Variants in COL23A1 observed in about 807,000 individuals in gnomAD.
COL23A1 encodes collagen type XXIII alpha 1 chain, also known as collagen alpha-1(XXIII) chain.
COL23A1 carries 97 observed loss-of-function variants against 99.3 expected under a neutral mutation model. The ratio of observed to expected loss-of-function variants is 0.98; its 90% CI spans 0.83 to 1.16. COL23A1 has a LOEUF of 1.16. COL23A1 is among the 50% of genes most tolerant of loss of function. COL23A1 has a pLI of 0.00. For synonymous variants in COL23A1, 320 were observed against 308.2 expected, an observed-to-expected ratio of 1.04 and a Z score of -0.40; for missense variants, 762 against 757.4, an observed-to-expected ratio of 1.01 and a Z score of -0.07.
At chr5:178,286,825 T>C (rs1757180411) in intron 5 of COL23A1, among the ~76,000 whole-genome samples, 1 of 152,118 alleles carries the variant, frequency 6.6e-6, no homozygotes, top group South Asian at 2.1e-4. Context: ...TGCTCGAGGC[T>C]GGTGGGGAAC....
chr5:178,524,339 A>C (rs1036087379), intron 2 of COL23A1, among the ~76,000 whole-genome samples: 3 of 152,184 alleles, frequency 2.0e-5, no homozygotes, highest in Admixed American at 6.5e-5. Flanking sequence ...GACCCTCTCT[A>C]GTTCAGAAGT....
chr5:178,362,201 A>G (rs4976765), intron 2 of COL23A1, among the ~76,000 whole-genome samples: 114,413 of 152,060 alleles, frequency 0.75, 43,182 homozygotes, highest in East Asian at 0.88. Flanking sequence ...CTGCCTGTGA[A>G]CTGTTAGACA....
intron 5 of COL23A1, among the ~76,000 whole-genome samples, chr5:178,278,236 T>G (rs887364522): frequency 1.3e-5 from 2 of 152,208 alleles, no homozygotes; most frequent in Non-Finnish European, 2.9e-5. Context: ...CCCTGGACCA[T>G]GCCCAGGCCA....
chr5:178,288,612 G>T (rs908927024), intron 4 of COL23A1: 1 of 591,482 alleles, frequency 1.7e-6, no homozygotes, highest in East Asian at 2.9e-5. Context: ...CCCTCCCCAC[G>T]CTGGCCAGGC....
chr5:178,263,278 C>T lies in COL23A1; in HGVS notation c.569G>A (p.Gly190Glu). 6.2e-7 allele frequency: 1 copy of T among 1,610,810 alleles called. No homozygotes were observed. Among genetic ancestry groups the T allele is most frequent in the Non-Finnish European group, 8.5e-7 (1 of 1,179,024 alleles). ...DGAAGPPGPP[G>E]PPGARGPPGD... is the part of the protein sequence containing the mutation. ...AGGAGGGCCCCGGGCCCCAGGAGGT[C>T]CAGGGGGCCCCGGAGGCCCAGCAGC... Residue 190 changes from glycine (G) to glutamate (E), a missense_variant, in exon 9 of 29, where the codon GGA becomes GAA. Physicochemically the swap from Gly to Glu is moderately conservative, Grantham distance 98 (BLOSUM62 -2). Transcript: ENST00000390654.
intron 2 of COL23A1, among the ~76,000 whole-genome samples, chr5:178,316,178 T>C (rs1010257959): frequency 6.6e-6 from 1 of 152,202 alleles, no homozygotes; most frequent in Non-Finnish European, 1.5e-5. Context: ...TACACGTTCG[T>C]AATTCGATGA....
rs573582362 is a variant in COL23A1 at position 178,245,385 on chromosome 5, GGATA to G, written c.1440+553_1440+556del. On this transcript the variant is annotated intron_variant, in intron 25 of 28. Transcript: ENST00000390654. ...ATCCATCCATCCATCCATCCATAGT[GGATA>G]GATAGATGAATGGATGGATGAGTCC... Among the ~76,000 whole-genome samples, 99 of 137,084 alleles carry G rather than the reference GGATA, an allele frequency of 7.2e-4. 1 individual carries two copies. The highest frequency in any genetic ancestry group is 2.8e-3 in the African/African-American group (95 of 34,426). The allele number at this position is 137,084 out of a possible 152,430, so 89.9% of individuals were successfully genotyped here. A position where few individuals can be genotyped will look rare whatever the true frequency, so the allele number is the denominator to read the frequency against.
At position 178,589,633 on chromosome 5, in the gene COL23A1, A is replaced by C. The variant is rs1764165112; in HGVS notation, c.294+271T>G. On this transcript the variant is annotated intron_variant, in intron 1 of 28. Coordinates refer to ENST00000390654, the MANE Select transcript of COL23A1 (RefSeq NM_173465.4). This position sits in a 1 kb window ranked among gnomAD's most constrained non-coding sequence, Gnocchi z 5.4. ...AGACTGACCCTAGGTCTGTTACTCCAAAGTCCCTGGTCTCTCCTTCCCCTT... is the reference window on the plus strand; with the variant it reads ...AGACTGACCCTAGGTCTGTTACTCCCAAGTCCCTGGTCTCTCCTTCCCCTT... 6.6e-6 allele frequency among the ~76,000 whole-genome samples: 1 copy of C among 152,128 alleles called. No homozygotes were observed. Among genetic ancestry groups the C allele is most frequent in the African/African-American group, 2.4e-5 (1 of 41,424 alleles).
chr5:178,344,351 C>T (rs929829251), intron 2 of COL23A1, among the ~76,000 whole-genome samples: 2 of 152,172 alleles, frequency 1.3e-5, no homozygotes, highest in Non-Finnish European at 2.9e-5. Context: ...GAAGAAAGGT[C>T]TGTGGCCGGG....
chr5:178,446,577 A>G (rs572084350), intron 2 of COL23A1, among the ~76,000 whole-genome samples: 26 of 152,076 alleles, frequency 1.7e-4, no homozygotes, highest in Non-Finnish European at 3.7e-4. Context: ...AAAACAGGAG[A>G]AAAAAAATCA....
intron 2 of COL23A1, among the ~76,000 whole-genome samples, chr5:178,317,445 A>G (rs1759040355): frequency 6.6e-6 from 1 of 152,248 alleles, no homozygotes; most frequent in South Asian, 2.1e-4. Flanking sequence ...AGATTCAGTG[A>G]GTCCTGCCTG....
In COL23A1 at chr5:178,308,234, G is replaced by C. The variant is rs527310771; in HGVS notation, c.362-1315C>G. On this transcript the variant is annotated intron_variant, in intron 2 of 28. Transcript: ENST00000390654. This position sits in a 1 kb window ranked among gnomAD's most constrained non-coding sequence, Gnocchi z 5.1. Reference sequence around the variant, plus strand: ...GAGAGAGAAGAGATCCCTTCAGGTGGAGAGGGGCCCTCAGTGCTACACGAC... The same window carrying C: ...GAGAGAGAAGAGATCCCTTCAGGTGCAGAGGGGCCCTCAGTGCTACACGAC... Among the ~76,000 whole-genome samples, 14 of 152,292 alleles carry C rather than the reference G, an allele frequency of 9.2e-5. No homozygotes were observed. Among genetic ancestry groups the C allele is most frequent in the African/African-American group, 3.4e-4 (14 of 41,574 alleles).
rs576778269 is a variant in COL23A1, at chr5:178,428,204, T to G, written c.362-121285A>C. ...AAAGTCCTGAGCAATCGTGTCCCCT[T>G]AGGTGACCAAGCCTTCTGCTGTGGG... On this transcript the variant is annotated intron_variant, in intron 2 of 28. Transcript: ENST00000390654. The surrounding 1 kb of genome is among the most constrained non-coding windows in gnomAD (Gnocchi z 5.0). 2.0e-5 allele frequency among the ~76,000 whole-genome samples: 3 copies of G among 152,320 alleles called. No individual in the cohort carries two copies. The highest frequency in any genetic ancestry group is 4.1e-4 in the South Asian group (2 of 4,828).
At chr5:178,496,551 A>T (rs569536433) in intron 2 of COL23A1, among the ~76,000 whole-genome samples, 13 of 152,348 alleles carry the variant, frequency 8.5e-5, no homozygotes, top group Non-Finnish European at 1.6e-4. Flanking sequence ...TGTAAATGTA[A>T]AATATTTATA....
At chr5:178,305,647 T>G (rs957426814) in intron 3 of COL23A1, among the ~76,000 whole-genome samples, 1 of 150,954 alleles carries the variant, frequency 6.6e-6, no homozygotes, top group Admixed American at 6.6e-5. Flanking sequence ...GGGGTGGGAG[T>G]CCAGGTAGAG....
chr5:178,576,989 C>T (rs924319059), intron 1 of COL23A1, among the ~76,000 whole-genome samples: 2 of 151,944 alleles, frequency 1.3e-5, no homozygotes, highest in African/African-American at 2.4e-5. Flanking sequence ...CGGGGAGCGG[C>T]CCCTCCTCGG....
At chr5:178,374,776 G>A (rs532272294) in intron 2 of COL23A1, among the ~76,000 whole-genome samples, 54 of 152,294 alleles carry the variant, frequency 3.5e-4, no homozygotes, top group Non-Finnish European at 6.6e-4. Flanking sequence ...TGGTGGGAAC[G>A]TGAAATGGTG....
chr5:178,393,825 C>T (rs1764093995), intron 2 of COL23A1, among the ~76,000 whole-genome samples: 1 of 152,104 alleles, frequency 6.6e-6, no homozygotes, highest in Non-Finnish European at 1.5e-5. Flanking sequence ...TGGGGTTTCA[C>T]CATGTTGTCC....
At chr5:178,326,247 T>C (rs1199007619) in intron 2 of COL23A1, among the ~76,000 whole-genome samples, 1 of 152,208 alleles carries the variant, frequency 6.6e-6, no homozygotes, top group Non-Finnish European at 1.5e-5. Context: ...CATATGTTTC[T>C]TGTCTCCTAC....
Sources: allele counts gnomAD v4.1 joint callset (sites outside exome capture counted in the v4.1 genomes callset), GRCh38; gene constraint gnomAD v4.1.1; non-coding constraint Gnocchi (gnomAD v3.1); transcripts MANE v1.5; gene names NCBI Gene and HGNC (gene_info 2026-07-23, HGNC 2026-07-21).